Variants in EML5 observed in about 807,000 individuals in gnomAD.
EML5 encodes EMAP like 5, also known as echinoderm microtubule-associated protein-like 5.
A neutral mutation model predicts 250.0 loss-of-function variants in EML5; 120 were observed. That is an observed-to-expected ratio of 0.48 (90% confidence interval 0.41 to 0.56). EML5 has a LOEUF of 0.56. Among genes scored for constraint, EML5 ranks in the 20% least tolerant of loss-of-function variants. The pLI, the probability that EML5 is intolerant of heterozygous loss-of-function variation, is 0.00. For missense variants in EML5, 2,006 were observed against 2,437.6 expected (o/e 0.82, Z 3.73); for synonymous variants, 771 against 806.5 (o/e 0.96, Z 0.75).
intron 15 of EML5, among the ~76,000 whole-genome samples, chr14:88,695,772 A>G (rs1409364280): frequency 6.6e-6 from 1 of 152,132 alleles, no homozygotes; most frequent in African/African-American, 2.4e-5. Context: ...GGGAAAACTA[A>G]CAAAGGGATG....
chr14:88,668,603 G>A (rs867364399), intron 21 of EML5, among the ~76,000 whole-genome samples: 3 of 152,016 alleles, frequency 2.0e-5, no homozygotes, highest in African/African-American at 4.8e-5. Context: ...AGAGAAGGGC[G>A]CCTCAACTAT....
intron 42 of EML5, 121 bp from the exon 43 acceptor site, chr14:88,616,363 C>T (rs1055222651): frequency 1.1e-6 from 1 of 949,084 alleles, no homozygotes; most frequent in Non-Finnish European, 1.6e-6. Context: ...AGCACCGCAG[C>T]CAGTGATTAG....
At chr14:88,763,664 G>A (rs2094280997) in intron 1 of EML5, among the ~76,000 whole-genome samples, 1 of 152,120 alleles carries the variant, frequency 6.6e-6, no homozygotes, top group South Asian at 2.1e-4. Flanking sequence ...TATGAGGCCG[G>A]CATCATCCTG....
chr14:88,735,626 T>C (rs1351837628), intron 7 of EML5, among the ~76,000 whole-genome samples: 1 of 152,192 alleles, frequency 6.6e-6, no homozygotes, highest in Non-Finnish European at 1.5e-5. Context: ...AGGCCTTATC[T>C]ATCAAAATTT....
Position 88,638,798 on chromosome 14 carries a change from C to T in EML5, c.4336+11G>A. 1 of 1,550,822 alleles carries T rather than the reference C, an allele frequency of 6.4e-7. No individual in the cohort carries two copies. Among genetic ancestry groups the T allele is most frequent in the Middle Eastern group, 1.7e-4 (1 of 5,844 alleles). On this transcript the variant is annotated intron_variant, in intron 32 of 43. Coordinates refer to ENST00000554922, the MANE Select transcript of EML5 (RefSeq NM_183387.3). The stretch of plus-strand genomic sequence containing the variant: ...CTTTAAATTGTTTCTTTTTAAAATA[C>T]AGAAACATACCTACTTGGCCAGTTG...
intron 1 of EML5, among the ~76,000 whole-genome samples, chr14:88,764,239 A>G (rs1022725313): frequency 2.0e-5 from 3 of 152,170 alleles, no homozygotes; most frequent in Non-Finnish European, 2.9e-5. Flanking sequence ...TGGATTTTGT[A>G]TTAGAGTGAT....
intron 14 of EML5, among the ~76,000 whole-genome samples, chr14:88,699,207 G>C (rs2093151370): frequency 6.6e-6 from 1 of 151,860 alleles, no homozygotes; most frequent in Non-Finnish European, 1.5e-5. Flanking sequence ...GAAGTGGAGG[G>C]GAAGAGTTTT....
At chr14:88,691,110 G>A (rs555032674) in intron 17 of EML5, among the ~76,000 whole-genome samples, 1 of 152,282 alleles carries the variant, frequency 6.6e-6, no homozygotes, top group East Asian at 1.9e-4. Flanking sequence ...TCTGGCAGTG[G>A]AATCTCAGTC....
chr14:88,755,550 G>C (rs535970895), intron 1 of EML5, among the ~76,000 whole-genome samples: 12 of 152,138 alleles, frequency 7.9e-5, no homozygotes, highest in Non-Finnish European at 1.2e-4. Flanking sequence ...ATGTACATCA[G>C]CAGAAGGCGG....
At chr14:88,633,995 G>GT (rs2090584828) in intron 33 of EML5, among the ~76,000 whole-genome samples, 1 of 152,184 alleles carries the variant, frequency 6.6e-6, no homozygotes, top group African/African-American at 2.4e-5. Flanking sequence ...AAATCCGCAA[G>GT]TTTTTTATAG....
At chr14:88,769,492 A>T (rs867206675) in intron 1 of EML5, among the ~76,000 whole-genome samples, 9 of 152,320 alleles carry the variant, frequency 5.9e-5, no homozygotes, top group Admixed American at 6.5e-5. Context: ...GTATTTCTTT[A>T]TAGCAGTGTG....
intron 21 of EML5, among the ~76,000 whole-genome samples, chr14:88,674,072 C>G (rs897579766): frequency 6.6e-6 from 1 of 152,118 alleles, no homozygotes; most frequent in East Asian, 1.9e-4. Flanking sequence ...AGTTCAAGAC[C>G]AGCCTGGCCA....
intron 31 of EML5, among the ~76,000 whole-genome samples, chr14:88,642,122 T>C (rs977737502): frequency 6.6e-6 from 1 of 152,164 alleles, no homozygotes; most frequent in African/African-American, 2.4e-5. Flanking sequence ...ATTCACATCA[T>C]CAATCTACTC....
chr14:88,667,717 C>T (rs916679971), intron 21 of EML5, among the ~76,000 whole-genome samples: 4 of 152,290 alleles, frequency 2.6e-5, no homozygotes, highest in South Asian at 2.1e-4. Flanking sequence ...TAACAGAGCC[C>T]GGGCACTGGC....
chr14:88,626,516 A>G lies in EML5; in HGVS notation c.4740+322T>C, dbSNP rs569668001. Reference sequence around the variant, plus strand: ...TTCCTGCCCTGTAGTCCCAGCTACTAAGGAGGCTGAGGATCACTTGAACCT... The same window carrying G: ...TTCCTGCCCTGTAGTCCCAGCTACTGAGGAGGCTGAGGATCACTTGAACCT... On this transcript the variant is annotated intron_variant, in intron 35 of 43. Transcript: ENST00000554922. 5 of 264,910 alleles carry G rather than the reference A, an allele frequency of 1.9e-5. No individual in the cohort carries two copies. In the East Asian group the frequency reaches 4.1e-4, roughly 22 times the overall value. The allele number at this position is 264,910 out of a possible 1,614,324, so 16.4% of individuals were successfully genotyped here.
chr14:88,727,255 T>A (rs1027670326), intron 7 of EML5, among the ~76,000 whole-genome samples: 3 of 152,164 alleles, frequency 2.0e-5, no homozygotes, highest in African/African-American at 7.2e-5. Context: ...TGTCACCATA[T>A]GGTAATGCAC....
chr14:88,743,712 C>T (rs2093960853), intron 4 of EML5, among the ~76,000 whole-genome samples: 1 of 152,066 alleles, frequency 6.6e-6, no homozygotes, highest in Non-Finnish European at 1.5e-5. Context: ...CTTTCCTATT[C>T]TCAACATTTT....
intron 7 of EML5, among the ~76,000 whole-genome samples, chr14:88,731,634 G>A (rs1566717879): frequency 6.6e-6 from 1 of 152,186 alleles, no homozygotes; most frequent in African/African-American, 2.4e-5. Context: ...GATCCTTGAG[G>A]AATTGCCACA....
At chr14:88,784,410 A>C (rs1292624080) in intron 1 of EML5, among the ~76,000 whole-genome samples, 1 of 151,646 alleles carries the variant, frequency 6.6e-6, no homozygotes, top group South Asian at 2.1e-4. Flanking sequence ...CACATTAAGA[A>C]AAAAAAAACA....
Sources: allele counts gnomAD v4.1 joint callset (sites outside exome capture counted in the v4.1 genomes callset), GRCh38; gene constraint gnomAD v4.1.1; transcripts MANE v1.5; gene names NCBI Gene and HGNC (gene_info 2026-07-23, HGNC 2026-07-21).